PPP2R5E: variants seen among roughly 807,000 people sequenced by gnomAD.
PPP2R5E encodes the protein serine/threonine-protein phosphatase 2A 56 kDa regulatory subunit epsilon isoform.
A neutral mutation model predicts 65.3 loss-of-function variants in PPP2R5E; 4 were observed. The observed-to-expected ratio is 0.06, with a 90% CI of 0.03 to 0.14. The LOEUF is 0.14. Ranked by LOEUF, PPP2R5E falls within the 10% of genes least tolerant of loss-of-function variation. The probability of loss-of-function intolerance (pLI) is 1.00; values close to 1 mark genes in which losing one functional copy is unlikely to be tolerated. For missense variants in PPP2R5E, 274 were observed against 556.1 expected (o/e 0.49, Z 5.10); for synonymous variants, 183 against 187.4 (o/e 0.98, Z 0.19).
At chr14:63,509,558 T>A (rs1892368966) in intron 2 of PPP2R5E, among the ~76,000 whole-genome samples, 1 of 152,154 alleles carries the variant, frequency 6.6e-6, no homozygotes, top group African/African-American at 2.4e-5. Flanking sequence ...ACAGGCCTCG[T>A]GAGTCGCTGT....
chr14:63,382,048 A>G lies in PPP2R5E; in HGVS notation c.1304+8T>C. On this transcript the variant is annotated splice_region_variant and intron_variant, in intron 13 of 13. Coordinates refer to ENST00000337537, the MANE Select transcript of PPP2R5E (RefSeq NM_006246.5). ...TGCACAGCTGACAAAAAAGCTTTAA[A>G]AAGTTACCGCTGACGATCTGACTTG... is the stretch of plus-strand genomic sequence containing the variant. 6.2e-7 allele frequency: 1 copy of G among 1,606,228 alleles called. No individual in the cohort carries two copies. Among genetic ancestry groups the G allele is most frequent in the East Asian group, 2.2e-5 (1 of 44,748 alleles).
intron 5 of PPP2R5E, among the ~76,000 whole-genome samples, chr14:63,407,804 C>T (rs1411111315): frequency 1.3e-5 from 2 of 152,138 alleles, no homozygotes. Context: ...TAGATTAATG[C>T]CACTATGAAA....
intron 2 of PPP2R5E, among the ~76,000 whole-genome samples, chr14:63,524,958 C>G (rs565798870): frequency 6.6e-6 from 1 of 152,230 alleles, no homozygotes; most frequent in Non-Finnish European, 1.5e-5. Flanking sequence ...GCTGTTCTCA[C>G]CTGCACACAT....
chr14:63,520,859 CAAAAAAAAAAAA>C (rs748146106), intron 2 of PPP2R5E, among the ~76,000 whole-genome samples: 15 of 58,522 alleles, frequency 2.6e-4, no homozygotes, highest in South Asian at 2.6e-3. Context: ...ACTAAAAATA[CAAAAAAAAAAAA>C]AAAAAAAAAA....
chr14:63,533,557 G>A (rs926854885), intron 2 of PPP2R5E, among the ~76,000 whole-genome samples: 1 of 151,744 alleles, frequency 6.6e-6, no homozygotes, highest in Admixed American at 6.6e-5. Context: ...GCTAAACTCC[G>A]TCTAGTCATC....
intron 5 of PPP2R5E, among the ~76,000 whole-genome samples, chr14:63,402,781 G>A (rs893215071): frequency 5.9e-5 from 9 of 152,076 alleles, no homozygotes; most frequent in South Asian, 4.2e-4. Flanking sequence ...TAGCAATCCA[G>A]AAAGACATGG....
At chr14:63,446,960 T>C (rs968131599) in intron 3 of PPP2R5E, among the ~76,000 whole-genome samples, 1 of 152,204 alleles carries the variant, frequency 6.6e-6, no homozygotes, top group Non-Finnish European at 1.5e-5. Flanking sequence ...CAAAACGTTT[T>C]TCTAAGCAGT....
intron 5 of PPP2R5E, among the ~76,000 whole-genome samples, chr14:63,414,806 C>T (rs1236077556): frequency 6.6e-6 from 1 of 152,142 alleles, no homozygotes; most frequent in Non-Finnish European, 1.5e-5. Flanking sequence ...AATCCTTACG[C>T]AAATGTAAGT....
At chr14:63,498,236 T>A in intron 2 of PPP2R5E, among the ~76,000 whole-genome samples, 1 of 152,222 alleles carries the variant, frequency 6.6e-6, no homozygotes. Flanking sequence ...TTTTATTCAG[T>A]GAAAAAGCAA....
chr14:63,511,632 G>T (rs1431319364), intron 2 of PPP2R5E, among the ~76,000 whole-genome samples: 1 of 152,156 alleles, frequency 6.6e-6, no homozygotes, highest in East Asian at 1.9e-4. Flanking sequence ...TATATAAAAG[G>T]CAAAATTTCA....
intron 1 of PPP2R5E, among the ~76,000 whole-genome samples, chr14:63,540,173 G>A (rs979821599): frequency 1.3e-5 from 2 of 150,884 alleles, no homozygotes; most frequent in Non-Finnish European, 2.9e-5. Context: ...GCTCACACCT[G>A]TAATCCCAGC....
chr14:63,495,014 G>A (rs1392804893), intron 2 of PPP2R5E, among the ~76,000 whole-genome samples: 2 of 151,934 alleles, frequency 1.3e-5, no homozygotes, highest in Non-Finnish European at 2.9e-5. Flanking sequence ...GACCAGCCTG[G>A]CTAACATGGT....
intron 4 of PPP2R5E, among the ~76,000 whole-genome samples, chr14:63,420,869 G>A (rs574204493): frequency 2.9e-5 from 3 of 105,016 alleles, no homozygotes; most frequent in African/African-American, 1.5e-4. Flanking sequence ...CGGCTAAAAC[G>A]GTGAAACCCC....
In PPP2R5E at chr14:63,375,098, G is replaced by A. The variant is rs776711936; in HGVS notation, c.*911C>T. The A allele has an allele frequency of 5.9e-5, 9 of 152,412 alleles. No homozygotes were observed. Among genetic ancestry groups the A allele is most frequent in the South Asian group, 2.1e-4 (1 of 4,822 alleles). 9.4% of individuals were successfully genotyped at this position (152,412 alleles called of 1,614,324 possible). On this transcript the variant is annotated 3_prime_UTR_variant, in exon 14 of 14. Transcript: ENST00000337537. ...TTTTCCCAATTAGATTTGCAATCCCGGTGATCAATTTCATGGTTGTATTGT... is the reference window on the plus strand; with the variant it reads ...TTTTCCCAATTAGATTTGCAATCCCAGTGATCAATTTCATGGTTGTATTGT...
chr14:63,384,317 A>T, intron 12 of PPP2R5E, 127 bp downstream of exon 12: 1 of 1,110,664 alleles, frequency 9.0e-7, no homozygotes, highest in Non-Finnish European at 1.3e-6. Flanking sequence ...AATCCCCAGA[A>T]GGTAAGGATT....
At chr14:63,398,994 G>T (rs556714068) in intron 5 of PPP2R5E, among the ~76,000 whole-genome samples, 87 of 152,288 alleles carry the variant, frequency 5.7e-4, no homozygotes, top group African/African-American at 2.0e-3. Flanking sequence ...GTTACTATAT[G>T]ACTAAGCGAT....
At chr14:63,386,221 C>A (rs975801588) in intron 11 of PPP2R5E, among the ~76,000 whole-genome samples, 3 of 152,174 alleles carry the variant, frequency 2.0e-5, no homozygotes, top group Non-Finnish European at 4.4e-5. Context: ...TCATTAGGCA[C>A]CAGACCCTGA....
chr14:63,531,258 A>G (rs1251738985), intron 2 of PPP2R5E, among the ~76,000 whole-genome samples: 6 of 152,100 alleles, frequency 3.9e-5, no homozygotes, highest in African/African-American at 7.2e-5. Context: ...AACATTAGGT[A>G]TATCTCCTAA....
At chr14:63,511,325 C>T (rs1892442631) in intron 2 of PPP2R5E, among the ~76,000 whole-genome samples, 1 of 152,176 alleles carries the variant, frequency 6.6e-6, no homozygotes, top group Admixed American at 6.5e-5. Context: ...TGTGGAGAAG[C>T]CCAGGCTAAC....
Sources: gnomAD v4.1 joint callset for allele counts (sites outside exome capture counted in the v4.1 genomes callset) on GRCh38, gnomAD v4.1.1 for gene constraint, MANE v1.5 for transcripts, NCBI Gene and HGNC (gene_info 2026-07-23, HGNC 2026-07-21) for gene names.